Variants in SLC25A28 observed in about 807,000 individuals in gnomAD.
SLC25A28 encodes the protein solute carrier family 25 member 28.
A neutral mutation model predicts 31.9 loss-of-function variants in SLC25A28; 10 were observed. That is an observed-to-expected ratio of 0.31 (90% CI 0.19 to 0.53). The LOEUF is 0.53. Among genes scored for constraint, SLC25A28 ranks in the 20% least tolerant of loss-of-function variants. SLC25A28 has a pLI of 0.95. For synonymous variants in SLC25A28, 208 were observed against 203.6 expected (o/e 1.02, Z -0.19); for missense variants, 256 against 490.3 (o/e 0.52, Z 4.51).
the SLC25A28 span, among the ~76,000 whole-genome samples, chr10:99,637,556 C>G: frequency 6.6e-6 from 1 of 152,176 alleles, no homozygotes; most frequent in Non-Finnish European, 1.5e-5. Flanking sequence ...CTCCAGAAAG[C>G]TCCTAGAACC....
chr10:99,658,021 A>G, the SLC25A28 span, among the ~76,000 whole-genome samples: 1 of 152,076 alleles, frequency 6.6e-6, no homozygotes, highest in Non-Finnish European at 1.5e-5. Context: ...CTCCATCTCT[A>G]CAAAGAATTA....
chr10:99,611,151 C>T lies in SLC25A28; in HGVS notation c.793G>A (p.Val265Ile), dbSNP rs373874187. Residue 265 changes from valine to isoleucine, a missense_variant, in exon 4 of 4, where the codon GTC becomes ATC. Physicochemically the swap from Val to Ile is conservative, Grantham distance 29. Transcript: ENST00000370495. The surrounding 1 kb of genome is among the most constrained non-coding windows in gnomAD (Gnocchi z 5.5). ...GCTCCTGCGCAAGCTCCAGAGAGGA[C>T]GTGGGAGCTTGGGTTGTACCGTCTC... ...PQRRYNPSSH[V>I]LSGACAGAVA... 15 of 1,614,076 alleles carry T rather than the reference C, an allele frequency of 9.3e-6. No homozygotes were observed. The highest frequency in any genetic ancestry group is 2.2e-5 in the South Asian group (2 of 91,074).
In SLC25A28 at chr10:99,611,471, A is replaced by G; in HGVS notation, c.578-105T>C. 2 of 1,419,626 alleles carry G rather than the reference A, an allele frequency of 1.4e-6. No individual in the cohort carries two copies. Among genetic ancestry groups the G allele is most frequent in the Non-Finnish European group, 1.9e-6 (2 of 1,048,972 alleles). The allele number at this position is 1,419,626 out of a possible 1,614,324, so 87.9% of individuals were successfully genotyped here. ...GTCAGCAGATCAGCCAATGGAATAGAGAGAGAAAAAAGTATGAGTGAGCTG... is the reference window on the plus strand; with the variant it reads ...GTCAGCAGATCAGCCAATGGAATAGGGAGAGAAAAAAGTATGAGTGAGCTG... On this transcript the variant is annotated intron_variant, in intron 3 of 3. Coordinates refer to ENST00000370495, the MANE Select transcript of SLC25A28 (RefSeq NM_031212.4). The surrounding 1 kb of genome is among the most constrained non-coding windows in gnomAD (Gnocchi z 5.5).
chr10:99,646,899 C>T, the SLC25A28 span, among the ~76,000 whole-genome samples: 1 of 152,150 alleles, frequency 6.6e-6, no homozygotes, highest in South Asian at 2.1e-4. Context: ...TGTTTAGCTC[C>T]CACTTATAAG....
At chr10:99,622,480 C>T (rs149502170), upstream of SLC25A28, among the ~76,000 whole-genome samples, 1 of 152,360 alleles carries the variant, frequency 6.6e-6, no homozygotes, top group African/African-American at 2.4e-5. Context: ...GATTACTCCA[C>T]TAATGACCTA....
Position 99,620,383 on chromosome 10 carries a change from T to A in SLC25A28, c.-48A>T. 4 of 919,736 alleles carry A rather than the reference T, an allele frequency of 4.3e-6. No homozygotes were observed. Among genetic ancestry groups the A allele is most frequent in the Non-Finnish European group, 3.8e-6 (3 of 796,568 alleles). The allele number at this position is 919,736 out of a possible 1,614,324, so 57.0% of individuals were successfully genotyped here. On this transcript the variant is annotated 5_prime_UTR_variant, in exon 1 of 4. Transcript: ENST00000370495. ...CCACCCCCGCCGCCGCTGCCACCAC[T>A]GCCGCCGCCGCCCCCCGGCCCCGTA...
chr10:99,620,972 C>T (rs934055449), upstream of SLC25A28: 3 of 985,216 alleles, frequency 3.0e-6, no homozygotes, highest in African/African-American at 5.2e-5. Context: ...TCCTCAAATT[C>T]TGAGACGCGT....
At chr10:99,649,854 C>A in the SLC25A28 span, among the ~76,000 whole-genome samples, 1 of 152,116 alleles carries the variant, frequency 6.6e-6, no homozygotes, top group Non-Finnish European at 1.5e-5. Flanking sequence ...CTTTCTTGAT[C>A]TAGCTAGTGG....
chr10:99,637,996 C>T, the SLC25A28 span, among the ~76,000 whole-genome samples: 3 of 152,088 alleles, frequency 2.0e-5, no homozygotes, highest in East Asian at 5.8e-4. Flanking sequence ...CAAAGCAAGA[C>T]TAAGCATAAA....
the SLC25A28 span, among the ~76,000 whole-genome samples, chr10:99,649,324 T>G: frequency 1.3e-5 from 2 of 152,212 alleles, no homozygotes; most frequent in African/African-American, 4.8e-5. Flanking sequence ...GTGTATTATC[T>G]TTTTGATATG....
the SLC25A28 span, among the ~76,000 whole-genome samples, chr10:99,646,266 C>A: frequency 6.6e-6 from 1 of 152,208 alleles, no homozygotes; most frequent in Non-Finnish European, 1.5e-5. Flanking sequence ...ATGGCGGACG[C>A]CCCTCCCCCA....
Position 99,611,239 on chromosome 10 carries a change from G to A in SLC25A28, c.705C>T (p.Asn235=), listed in dbSNP as rs765613276. Reference sequence around the variant, plus strand: ...TGAAGTGAATGGCTTGGAAAGGAACGTTCATGGTCAGCTGGGTGGTGTAGC... The same window carrying A: ...TGAAGTGAATGGCTTGGAAAGGAACATTCATGGTCAGCTGGGTGGTGTAGC... The part of the protein sequence containing the change: ...YRSYTTQLTM[N]VPFQAIHFMT... The change falls in exon 4 of 4, where the codon AAC becomes AAT. Residue 235 remains asparagine, a synonymous_variant. Coordinates refer to ENST00000370495, the MANE Select transcript of SLC25A28 (RefSeq NM_031212.4). The surrounding 1 kb of genome is among the most constrained non-coding windows in gnomAD (Gnocchi z 5.5). 42 of 1,614,156 alleles carry A rather than the reference G, an allele frequency of 2.6e-5. No individual in the cohort carries two copies. In the African/African-American group the frequency reaches 2.9e-4, roughly 11 times the overall value.
rs1590000630 is a variant in SLC25A28, at chr10:99,620,374, T to C, written c.-39A>G. 1.0e-6 allele frequency: 1 copy of C among 964,976 alleles called. No individual in the cohort carries two copies. The highest frequency in any genetic ancestry group is 1.2e-6 in the Non-Finnish European group (1 of 829,226). 59.8% of individuals were successfully genotyped at this position (964,976 alleles called of 1,614,324 possible). A position where few individuals can be genotyped will look rare whatever the true frequency, so the allele number is the denominator to read the frequency against. ...CTGCGGCGCCCACCCCCGCCGCCGCTGCCACCACTGCCGCCGCCGCCCCCC... is the reference window on the plus strand; with the variant it reads ...CTGCGGCGCCCACCCCCGCCGCCGCCGCCACCACTGCCGCCGCCGCCCCCC... On this transcript the variant is annotated 5_prime_UTR_variant, in exon 1 of 4. Transcript: ENST00000370495.
chr10:99,640,583 T>C, the SLC25A28 span, among the ~76,000 whole-genome samples: 1 of 152,210 alleles, frequency 6.6e-6, no homozygotes, highest in Admixed American at 6.5e-5. Context: ...TTTTTTATTA[T>C]ACTTTAAGTT....
chr10:99,614,215 T>C (rs1450733090), intron 1 of SLC25A28, among the ~76,000 whole-genome samples: 6 of 152,290 alleles, frequency 3.9e-5, no homozygotes, highest in Admixed American at 1.3e-4. Context: ...GCAACAAATA[T>C]CAAGCCTGTG....
upstream of SLC25A28, among the ~76,000 whole-genome samples, chr10:99,622,389 T>C (rs1339733748): frequency 6.6e-6 from 1 of 152,196 alleles, no homozygotes; most frequent in African/African-American, 2.4e-5. Context: ...TCCTTTTCTC[T>C]AGCATATTTA....
chr10:99,632,440 C>T, the SLC25A28 span, among the ~76,000 whole-genome samples: 1 of 152,090 alleles, frequency 6.6e-6, no homozygotes, highest in Non-Finnish European at 1.5e-5. Flanking sequence ...GACAACTGTA[C>T]TTCACTGGAT....
intron 3 of SLC25A28, 111 bp downstream of exon 3, chr10:99,612,432 G>T: frequency 8.0e-7 from 1 of 1,254,494 alleles, no homozygotes; most frequent in South Asian, 1.3e-5. Context: ...ACCCTCTAGT[G>T]GTAAAACAAG....
Position 99,611,003 on chromosome 10 carries a change from G to A in SLC25A28, c.941C>T (p.Thr314Met), listed in dbSNP as rs373133623. 1.9e-5 allele frequency: 31 copies of A among 1,614,034 alleles called. No individual in the cohort carries two copies. The highest frequency in any genetic ancestry group is 1.6e-4 in the Middle Eastern group (1 of 6,084). ...HITGMASAFR[T>M]VYQVGGVTAY... ...GGTCACCCCACCTACTTGATATACC[G>A]TCCTGAAGGCACTAGCCATGCCTGT... Residue 314 changes from threonine to methionine, a missense_variant, in exon 4 of 4, where the codon ACG becomes ATG. Thr to Met is a moderately conservative substitution (Grantham distance 81). This residue lies in a region of SLC25A28 where 158 missense variants were observed against 379.1 expected (regional missense o/e 0.42). Transcript: ENST00000370495. The surrounding 1 kb of genome is among the most constrained non-coding windows in gnomAD (Gnocchi z 5.5).
Sources: allele counts gnomAD v4.1 joint callset (sites outside exome capture counted in the v4.1 genomes callset), GRCh38; gene constraint gnomAD v4.1.1; regional missense constraint gnomAD v4.1.1; non-coding constraint Gnocchi (gnomAD v3.1); transcripts MANE v1.5; gene names NCBI Gene and HGNC (gene_info 2026-07-23, HGNC 2026-07-21).